ADAM20: variants seen among roughly 807,000 people sequenced by gnomAD.
ADAM20 encodes ADAM metallopeptidase domain 20.
For synonymous variants in ADAM20, 305 were observed against 310.2 expected (o/e 0.98, Z 0.18); for missense variants, 871 against 883.2 (o/e 0.99, Z 0.18).
Position 70,524,699 on chromosome 14 carries a change from C to T in ADAM20, c.59G>A (p.Gly20Glu), listed in dbSNP as rs749126085. 4 of 1,613,936 alleles carry T rather than the reference C, an allele frequency of 2.5e-6. No individual in the cohort carries two copies. The South Asian group carries it at 4.4e-5, about 18-fold the overall frequency. Reference protein sequence around the residue: ...IRVTLLLLWFGMFLSISGHSQ... With the variant: ...IRVTLLLLWFEMFLSISGHSQ... Reference sequence around the variant, plus strand: ...GTGGCCAGAAATAGACAAAAACATCCCAAACCAGAGCAGCAGAAGAGTGAC... The same window carrying T: ...GTGGCCAGAAATAGACAAAAACATCTCAAACCAGAGCAGCAGAAGAGTGAC... The change falls in exon 2 of 2, where the codon GGG becomes GAG. Residue 20 changes from glycine to glutamate, a missense_variant. Coordinates refer to ENST00000256389, the MANE Select transcript of ADAM20 (RefSeq NM_003814.5).
chr14:70,572,794 T>C, the ADAM20 span, among the ~76,000 whole-genome samples: 1 of 151,772 alleles, frequency 6.6e-6, no homozygotes, highest in Non-Finnish European at 1.5e-5. Flanking sequence ...TAAACAGATT[T>C]CTCAAAGGAC....
At chr14:70,547,450 C>G in the ADAM20 span, 1 of 141,098 alleles carries the variant, frequency 7.1e-6, no homozygotes, top group Non-Finnish European at 1.5e-5. Context: ...TGTGTGCGCA[C>G]CGTGCGCGAG....
rs944817763 is a variant in ADAM20, at chr14:70,522,703, T to G, written c.2055A>C (p.Leu685Phe). 6.2e-7 allele frequency: 1 copy of G among 1,614,072 alleles called. No homozygotes were observed. The highest frequency in any genetic ancestry group is 1.3e-5 in the African/African-American group (1 of 75,058). ...GGTAACGCAACTTTCCCATCACATT[T>G]AATCCTTCCATGTTGTTCTTAGGAG... Reference protein sequence around the residue: ...GPPPKNNMEGLNVMGKLRYLS... With the variant: ...GPPPKNNMEGFNVMGKLRYLS... Residue 685 changes from leucine (L) to phenylalanine (F), a missense_variant, in exon 2 of 2, where the codon TTA (leucine) becomes TTC (phenylalanine). Physicochemically the swap from Leu to Phe is conservative, Grantham distance 22. Transcript: ENST00000256389.
chr14:70,573,497 G>A, the ADAM20 span, among the ~76,000 whole-genome samples: 73 of 152,206 alleles, frequency 4.8e-4, no homozygotes, highest in African/African-American at 1.7e-3. Context: ...TTATTTGGGT[G>A]ATGGGTTCAT....
At chr14:70,571,919 C>G in the ADAM20 span, among the ~76,000 whole-genome samples, 1 of 152,050 alleles carries the variant, frequency 6.6e-6, no homozygotes, top group Non-Finnish European at 1.5e-5. Flanking sequence ...ATATGTTTAA[C>G]CAAGAAGGCG....
chr14:70,529,577 A>C (rs966148830), intron 1 of ADAM20, among the ~76,000 whole-genome samples: 1 of 152,202 alleles, frequency 6.6e-6, no homozygotes, highest in Non-Finnish European at 1.5e-5. Context: ...ACAGCATGCT[A>C]CTATACTGAA....
chr14:70,541,721 T>C, the ADAM20 span, among the ~76,000 whole-genome samples: 1 of 152,238 alleles, frequency 6.6e-6, no homozygotes, highest in South Asian at 2.1e-4. Flanking sequence ...ACTATATTTG[T>C]ATAAATATGT....
intron 1 of ADAM20, among the ~76,000 whole-genome samples, chr14:70,529,375 G>A (rs969375346): frequency 4.6e-5 from 7 of 152,150 alleles, no homozygotes; most frequent in African/African-American, 1.2e-4. Flanking sequence ...ATAATGTAAT[G>A]AAATCTGAAA....
chr14:70,573,403 G>C, the ADAM20 span, among the ~76,000 whole-genome samples: 1 of 152,140 alleles, frequency 6.6e-6, no homozygotes, highest in Non-Finnish European at 1.5e-5. Context: ...CATAAAGATA[G>C]AAATATTAGA....
Position 70,524,827 on chromosome 14 carries a change from G to A in ADAM20, c.-70C>T, listed in dbSNP as rs749938906. 6.2e-7 allele frequency: 1 copy of A among 1,613,306 alleles called. No individual in the cohort carries two copies. Among genetic ancestry groups the A allele is most frequent in the South Asian group, 1.1e-5 (1 of 91,062 alleles). On this transcript the variant is annotated 5_prime_UTR_variant, in exon 2 of 2. It introduces an in-frame stop codon into an upstream open reading frame of the 5' UTR. Transcript: ENST00000256389. ...ACAAGGTGTGAGGCACTGCTGGTCT[G>A]GCTCCTCCCTCTGAGCTGTTCAGGG...
chr14:70,564,048 GT>G, the ADAM20 span, among the ~76,000 whole-genome samples: 4 of 152,200 alleles, frequency 2.6e-5, no homozygotes, highest in Admixed American at 6.5e-5. Context: ...AGTGAAGAGT[GT>G]GCCAGCTGCC....
At chr14:70,559,395 TCCC>T in the ADAM20 span, among the ~76,000 whole-genome samples, 1 of 151,900 alleles carries the variant, frequency 6.6e-6, no homozygotes. Context: ...CTTCTCACCA[TCCC>T]CATCATTATC....
intron 1 of ADAM20, among the ~76,000 whole-genome samples, chr14:70,533,157 G>A (rs988004408): frequency 1.3e-5 from 2 of 152,184 alleles, no homozygotes; most frequent in Admixed American, 6.5e-5. Context: ...TGGCGAGAGT[G>A]TAAATTAGTT....
chr14:70,535,178 T>C (rs1210835145), upstream of ADAM20, among the ~76,000 whole-genome samples: 1 of 152,238 alleles, frequency 6.6e-6, no homozygotes, highest in Non-Finnish European at 1.5e-5. Context: ...CTATATTTAA[T>C]TTAATGTAAT....
At position 70,532,589 on chromosome 14, in the gene ADAM20, C is replaced by T. The variant is rs143052745; in HGVS notation, c.-177+2208G>A. Among the ~76,000 whole-genome samples, 1,242 of 152,220 alleles carry T rather than the reference C, an allele frequency of 8.2e-3. 9 individuals carry two copies. Among genetic ancestry groups the T allele is most frequent in the South Asian group, 0.031 (149 of 4,826 alleles). ...ATCCAATGTTAATTGTGATTAAGTT[C>T]CCTATTGATGCAAGTATGTAGGGTG... is the stretch of plus-strand genomic sequence containing the variant. On this transcript the variant is annotated intron_variant, in intron 1 of 1. Coordinates refer to ENST00000256389, the MANE Select transcript of ADAM20 (RefSeq NM_003814.5).
At chr14:70,577,492 C>T in the ADAM20 span, among the ~76,000 whole-genome samples, 4 of 152,160 alleles carry the variant, frequency 2.6e-5, no homozygotes, top group Admixed American at 1.3e-4. Context: ...GCACCAAATA[C>T]GTCCTCACAT....
At chr14:70,568,214 C>G in the ADAM20 span, among the ~76,000 whole-genome samples, 3 of 152,170 alleles carry the variant, frequency 2.0e-5, no homozygotes, top group Non-Finnish European at 4.4e-5. Context: ...TTCAATACAT[C>G]GCTACAACAA....
At chr14:70,556,966 G>A in the ADAM20 span, 2 of 152,162 alleles carry the variant, frequency 1.3e-5, no homozygotes, top group African/African-American at 4.8e-5. Flanking sequence ...AATAAACGAT[G>A]TTGATATATT....
chr14:70,524,017 AG>A lies in ADAM20; in HGVS notation c.740del (p.Pro247LeufsTer6). ...VVNIVDSFYH[P>X]LEVDVILTGI... ...CAGTCAAAATTACATCAACCTCCAA[AG>A]GATGATAGAAGGAATCCACTATATT... On this transcript the variant is annotated frameshift_variant, in exon 2 of 2. Coordinates refer to ENST00000256389, the MANE Select transcript of ADAM20 (RefSeq NM_003814.5). LOFTEE classifies it low-confidence loss of function (END_TRUNC). The A allele has an allele frequency of 6.2e-7, 1 of 1,613,962 alleles. No individual in the cohort carries two copies. The highest frequency in any genetic ancestry group is 1.1e-5 in the South Asian group (1 of 91,058).
Sources: allele counts gnomAD v4.1 joint callset (sites outside exome capture counted in the v4.1 genomes callset), GRCh38; gene constraint gnomAD v4.1.1; transcripts MANE v1.5; gene names NCBI Gene and HGNC (gene_info 2026-07-23, HGNC 2026-07-21).